Variants in PCNT observed in about 807,000 individuals in gnomAD.
PCNT encodes pericentrin, also known as kendrin.
In PCNT, 319 loss-of-function variants were observed where a neutral mutation model predicts 380.4. The observed-to-expected ratio is 0.84, with a 90% confidence interval of 0.77 to 0.92. The LOEUF is 0.92. Among genes scored for constraint, PCNT ranks in the 40% least tolerant of loss-of-function variants. The pLI, the probability that PCNT is intolerant of heterozygous loss-of-function variation, is 0.00. For synonymous variants in PCNT, 1,845 were observed against 1,735.2 expected (o/e 1.06, Z -1.57); for missense variants, 4,400 against 4,255.3 (o/e 1.03, Z -0.95).
chr21:46,353,091 C>G lies in PCNT; in HGVS notation c.1457-13C>G, dbSNP rs751398286. 2.5e-6 allele frequency: 4 copies of G among 1,608,166 alleles called. No homozygotes were observed. Among genetic ancestry groups the G allele is most frequent in the Non-Finnish European group, 3.4e-6 (4 of 1,175,040 alleles). The stretch of plus-strand genomic sequence containing the variant: ...CCATTTTAAGACGATTGCCTGACTC[C>G]GTTATGTTGCAGAGCTACATGAGCA... On this transcript the variant is annotated splice_polypyrimidine_tract_variant and intron_variant, in intron 9 of 46. Transcript: ENST00000359568.
At chr21:46,436,242 G>GGATGACGAAGACCACGGCATT in intron 39 of PCNT, 94 bp downstream of exon 39, 3 of 1,430,154 alleles carry the variant, frequency 2.1e-6, no homozygotes, top group Non-Finnish European at 2.9e-6. Flanking sequence ...CTGGTGTGAG[G>GGATGACGAAGACCACGGCATT]CCCCTGCTCC....
rs1289327593 is a variant in PCNT at position 46,389,260 on chromosome 21, T to G, written c.3669T>G (p.Ser1223=). 6 of 1,614,118 alleles carry G rather than the reference T, an allele frequency of 3.7e-6. No individual in the cohort carries two copies. The highest frequency in any genetic ancestry group is 5.1e-6 in the Non-Finnish European group (6 of 1,180,052). The change falls in exon 19 of 47, where the codon TCT becomes TCG. Residue 1223 remains serine, a synonymous_variant. Transcript: ENST00000359568. ...VALPELDRTL[S]ECAEMSSVAE... Reference sequence around the variant, plus strand: ...TCCCGGAGTTGGACAGAACTTTGTCTGAATGTGCAGAGATGTCTTCCGTGG... The same window carrying G: ...TCCCGGAGTTGGACAGAACTTTGTCGGAATGTGCAGAGATGTCTTCCGTGG...
intron 40 of PCNT, among the ~76,000 whole-genome samples, chr21:46,437,335 CTGTG>C (rs751417724): frequency 8.3e-6 from 1 of 120,676 alleles, no homozygotes; most frequent in Non-Finnish European, 1.5e-5. Flanking sequence ...TGCTGTGTGA[CTGTG>C]TGGTCTTCGG....
intron 15 of PCNT, among the ~76,000 whole-genome samples, chr21:46,368,181 C>T (rs1431986349): frequency 1.3e-5 from 2 of 151,990 alleles, no homozygotes; most frequent in Non-Finnish European, 2.9e-5. Flanking sequence ...AAAAATAGCT[C>T]ACACCTGTAA....
At chr21:46,348,746 C>G (rs1221549283) in intron 6 of PCNT, among the ~76,000 whole-genome samples, 1 of 152,106 alleles carries the variant, frequency 6.6e-6, no homozygotes, top group Non-Finnish European at 1.5e-5. Context: ...TCCCGAGTAG[C>G]TGGGACTATA....
intron 36 of PCNT, 129 bp downstream of exon 36, chr21:46,430,361 C>T (rs550958187): frequency 1.4e-6 from 2 of 1,383,242 alleles, no homozygotes; most frequent in South Asian, 2.5e-5. Context: ...CCGCGCCCTG[C>T]TGTCCCTGGG....
chr21:46,427,002 G>A (rs1164446011), intron 33 of PCNT, among the ~76,000 whole-genome samples: 1 of 152,198 alleles, frequency 6.6e-6, no homozygotes, highest in Non-Finnish European at 1.5e-5. Context: ...GGTTGTGTGC[G>A]AGCGGCAGCC....
In PCNT at chr21:46,431,969, A is replaced by G; in HGVS notation, c.8505A>G (p.Arg2835=). The change falls in exon 38 of 47, where the codon AGA becomes AGG. Residue 2835 remains arginine, a synonymous_variant. Transcript: ENST00000359568. The part of the protein sequence containing the change: ...EAQKHCEALR[R]EKEVSATLKS... ...AGAAGCACTGTGAGGCGCTCAGGAG[A>G]GAGAAGGAGGTAAGTGCCACACTGA... is the stretch of plus-strand genomic sequence containing the variant. The G allele has an allele frequency of 6.2e-7, 1 of 1,614,000 alleles. No individual in the cohort carries two copies. The highest frequency in any genetic ancestry group is 8.5e-7 in the Non-Finnish European group (1 of 1,180,036).
chr21:46,414,750 CACGCAGCCGCCCACCCTCCTCCTGGA>C (rs2086949483), intron 29 of PCNT, among the ~76,000 whole-genome samples: 1 of 93,044 alleles, frequency 1.1e-5, no homozygotes, highest in African/African-American at 7.3e-5. Flanking sequence ...TCCTCCTGGA[CACGCAGCCGCCCACCCTCCTCCTGGA>C]CACACAGCCG....
In PCNT at chr21:46,439,030, A is replaced by AT. The variant is rs1227143796; in HGVS notation, c.9273+702dup. Among the ~76,000 whole-genome samples the AT allele has an allele frequency of 4.3e-4, 64 of 149,898 alleles. No individual in the cohort carries two copies. The East Asian group carries it at 6.3e-3, about 15-fold the overall frequency. ...ATAGAGTTATCTTCCGGAATGTCTC[A>AT]TTTTTTTTTCTTTTGTATTTAGGCT... On this transcript the variant is annotated intron_variant, in intron 41 of 46. Coordinates refer to ENST00000359568, the MANE Select transcript of PCNT (RefSeq NM_006031.6).
At chr21:46,442,914 T>A in intron 44 of PCNT, 1 of 355,774 alleles carries the variant, frequency 2.8e-6, no homozygotes, top group Non-Finnish European at 5.3e-6. Context: ...TTGTAGAGCA[T>A]CATGCTTATT....
Position 46,359,499 on chromosome 21 carries a change from T to G in PCNT, c.2154+2308T>G, listed in dbSNP as rs1248790009. 4.3e-5 allele frequency among the ~76,000 whole-genome samples: 5 copies of G among 117,290 alleles called. 1 individual carries two copies. Among genetic ancestry groups the G allele is most frequent in the African/African-American group, 1.5e-4 (5 of 33,340 alleles). The allele number at this position is 117,290 out of a possible 152,430, so 76.9% of individuals were successfully genotyped here. On this transcript the variant is annotated intron_variant, in intron 13 of 46. Coordinates refer to ENST00000359568, the MANE Select transcript of PCNT (RefSeq NM_006031.6). ...ACACCTGTTTTTTTTTTGTTTTTTT[T>G]TTTTTTTTGAGACAGTGTCTCACTC... is the stretch of plus-strand genomic sequence containing the variant.
At chr21:46,334,880 A>T (rs2083683199) in intron 3 of PCNT, 112 bp downstream of exon 3, 41 of 1,528,290 alleles carry the variant, frequency 2.7e-5, no homozygotes, top group Non-Finnish European at 3.6e-5. Flanking sequence ...TCTCTTTAGA[A>T]GTGGAAACTG....
At chr21:46,354,652 G>T (rs2084407719) in intron 11 of PCNT, among the ~76,000 whole-genome samples, 1 of 152,172 alleles carries the variant, frequency 6.6e-6, no homozygotes, top group African/African-American at 2.4e-5. Flanking sequence ...GAGACGCAGG[G>T]GCAGCACCGC....
chr21:46,347,358 G>A (rs189477290), intron 5 of PCNT, 99 bp from the exon 6 acceptor site: 8 of 1,148,338 alleles, frequency 7.0e-6, no homozygotes, highest in African/African-American at 3.0e-5. Flanking sequence ...ATGCTGGCAC[G>A]TGTCCAGTGG....
chr21:46,355,330 C>T (rs1470180887), intron 11 of PCNT, 122 bp from the exon 12 acceptor site: 2 of 1,047,178 alleles, frequency 1.9e-6, no homozygotes, highest in East Asian at 2.4e-5. Context: ...AGCGTGTGGT[C>T]TCATGAACCT....
intron 15 of PCNT, among the ~76,000 whole-genome samples, chr21:46,371,743 C>T (rs563656247): frequency 2.0e-5 from 3 of 152,208 alleles, no homozygotes; most frequent in African/African-American, 4.8e-5. Context: ...CCCATCCAGG[C>T]GCCACCACCC....
At chr21:46,390,384 G>GGCCT (rs1379947303) in intron 19 of PCNT, among the ~76,000 whole-genome samples, 1 of 152,228 alleles carries the variant, frequency 6.6e-6, no homozygotes, top group Admixed American at 6.5e-5. Context: ...GCCTGTAGAT[G>GGCCT]GCCTGGGAGC....
At chr21:46,424,154 C>T (rs149368064) in intron 32 of PCNT, among the ~76,000 whole-genome samples, 1 of 152,296 alleles carries the variant, frequency 6.6e-6, no homozygotes, top group South Asian at 2.1e-4. Context: ...GTGTGGTCGA[C>T]GCTCTAATAG....
Sources: allele counts gnomAD v4.1 joint callset (sites outside exome capture counted in the v4.1 genomes callset), GRCh38; gene constraint gnomAD v4.1.1; transcripts MANE v1.5; gene names NCBI Gene and HGNC (gene_info 2026-07-23, HGNC 2026-07-21).